Variants in SOX10 observed in about 807,000 individuals in gnomAD.
The protein encoded by SOX10 is SRY-box transcription factor 10, also known as transcription factor SOX-10.
Under a neutral mutation model 35.0 loss-of-function variants are expected in SOX10, and 3 were observed. The observed-to-expected ratio is 0.09, with a 90% CI of 0.04 to 0.22. The LOEUF is 0.22. SOX10 is among the 10% of genes least tolerant of loss of function. The pLI is 1.00. For missense variants in SOX10, 436 were observed against 655.1 expected (o/e 0.67, Z 3.65); for synonymous variants, 285 against 291.0 (o/e 0.98, Z 0.21).
intron 3 of SOX10, among the ~76,000 whole-genome samples, chr22:37,975,236 G>A (rs1932187548): frequency 1.3e-5 from 2 of 152,206 alleles, no homozygotes. Context: ...GTTCCCAAAA[G>A]CTCATAGTCT....
intron 2 of SOX10, among the ~76,000 whole-genome samples, chr22:37,982,643 C>T (rs1254845018): frequency 6.6e-6 from 1 of 152,084 alleles, no homozygotes; most frequent in African/African-American, 2.4e-5. Context: ...GGGTGGGGCC[C>T]TGGCAGGGAA....
At chr22:37,982,029 C>T (rs576192805) in intron 2 of SOX10, among the ~76,000 whole-genome samples, 1 of 152,358 alleles carries the variant, frequency 6.6e-6, no homozygotes, top group Admixed American at 6.5e-5. Context: ...CTCTACCCAA[C>T]TGTGGCTGGC....
At position 37,983,264 on chromosome 22, in the gene SOX10, C is replaced by T; in HGVS notation, c.428+93G>A. The T allele has an allele frequency of 2.8e-6, 4 of 1,411,342 alleles. No individual in the cohort carries two copies. Among genetic ancestry groups the T allele is most frequent in the Non-Finnish European group, 3.9e-6 (4 of 1,030,740 alleles). 87.4% of individuals were successfully genotyped at this position (1,411,342 alleles called of 1,614,324 possible). A position where few individuals can be genotyped will look rare whatever the true frequency, so the allele number is the denominator to read the frequency against. On this transcript the variant is annotated intron_variant, in intron 2 of 3. Transcript: ENST00000396884. The surrounding 1 kb of genome is among the most constrained non-coding windows in gnomAD (Gnocchi z 9.5). ...ATCCAAGGAGGACTGCCAGACAGTC[C>T]CGCTCTGAGGTGCAGGAGGCCGGGC... is the stretch of plus-strand genomic sequence containing the variant.
Position 37,972,487 on chromosome 22 carries a change from C to G in SOX10, c.*1008G>C. The G allele has an allele frequency of 6.3e-6, 2 of 319,942 alleles. No homozygotes were observed. Among genetic ancestry groups the G allele is most frequent in the South Asian group, 5.1e-5 (2 of 39,540 alleles). 19.8% of individuals were successfully genotyped at this position (319,942 alleles called of 1,614,324 possible). A position where few individuals can be genotyped will look rare whatever the true frequency, so the allele number is the denominator to read the frequency against. The stretch of plus-strand genomic sequence containing the variant: ...GGCAGATATAGCTACATACTTTATT[C>G]AAATACCACTGGGAGGCAAGGGGTA... On this transcript the variant is annotated 3_prime_UTR_variant, in exon 4 of 4. Coordinates refer to ENST00000396884, the MANE Select transcript of SOX10 (RefSeq NM_006941.4).
At position 37,982,024 on chromosome 22, in the gene SOX10, C is replaced by T. The variant is rs564137983; in HGVS notation, c.428+1333G>A. Among the ~76,000 whole-genome samples, 9 of 152,358 alleles carry T rather than the reference C, an allele frequency of 5.9e-5. No homozygotes were observed. In the South Asian group the frequency reaches 1.9e-3, roughly 32 times the overall value. On this transcript the variant is annotated intron_variant, in intron 2 of 3. Coordinates refer to ENST00000396884, the MANE Select transcript of SOX10 (RefSeq NM_006941.4). Reference sequence around the variant, plus strand: ...TCTAAGCCTCTAGACCCAATCTCTACCCAACTGTGGCTGGCAAGGGGGAGG... The same window carrying T: ...TCTAAGCCTCTAGACCCAATCTCTATCCAACTGTGGCTGGCAAGGGGGAGG...
Position 37,973,403 on chromosome 22 carries a change from C to T in SOX10, c.*92G>A. The T allele has an allele frequency of 1.2e-6, 1 of 854,252 alleles. No homozygotes were observed. Among genetic ancestry groups the T allele is most frequent in the Non-Finnish European group, 1.8e-6 (1 of 563,136 alleles). The allele number at this position is 854,252 out of a possible 1,614,324, so 52.9% of individuals were successfully genotyped here. A position where few individuals can be genotyped will look rare whatever the true frequency, so the allele number is the denominator to read the frequency against. On this transcript the variant is annotated 3_prime_UTR_variant, in exon 4 of 4. Coordinates refer to ENST00000396884, the MANE Select transcript of SOX10 (RefSeq NM_006941.4). Reference sequence around the variant, plus strand: ...CCTCTTCAGCCTCCTCAGCCTCCTCCACTGCCACCACCAGGCCTGAGGTGG... The same window carrying T: ...CCTCTTCAGCCTCCTCAGCCTCCTCTACTGCCACCACCAGGCCTGAGGTGG...
Position 37,973,815 on chromosome 22 carries a change from C to T in SOX10, c.1081G>A (p.Ala361Thr), listed in dbSNP as rs770105416. 1.1e-5 allele frequency: 18 copies of T among 1,599,228 alleles called. No individual in the cohort carries two copies. Among genetic ancestry groups the T allele is most frequent in the East Asian group, 2.2e-5 (1 of 44,558 alleles). The change falls in exon 4 of 4, where the codon GCG becomes ACG. Residue 361 changes from alanine (A) to threonine (T), a missense_variant. This residue lies in a region of SOX10 where 285 missense variants were observed against 402.9 expected (regional missense o/e 0.71). Transcript: ENST00000396884. Reference protein sequence around the residue: ...DAKAQVKTETAGPQGPPHYTD... With the variant: ...DAKAQVKTETTGPQGPPHYTD... The stretch of plus-strand genomic sequence containing the variant: ...TAGTGTGGGGGCCCCTGGGGCCCCG[C>T]GGTCTCTGTCTTCACCTGGGCTTTG...
In SOX10 at chr22:37,974,213, G is replaced by T. The variant is rs1369323666; in HGVS notation, c.698-15C>A. The T allele has an allele frequency of 6.9e-6, 11 of 1,586,022 alleles. No individual in the cohort carries two copies. The highest frequency in any genetic ancestry group is 1.3e-5 in the African/African-American group (1 of 74,638). On this transcript the variant is annotated splice_polypyrimidine_tract_variant and intron_variant, in intron 3 of 3. Transcript: ENST00000396884. This position sits in a 1 kb window ranked among gnomAD's most constrained non-coding sequence, Gnocchi z 5.4. ...ATGGCTCTGGCCTGGGTAGAAGGGA[G>T]ACAGAGAGAGAGAGCGCAAGGGGGA...
intron 3 of SOX10, among the ~76,000 whole-genome samples, chr22:37,975,137 A>G (rs1932184953): frequency 6.6e-6 from 1 of 152,194 alleles, no homozygotes; most frequent in Non-Finnish European, 1.5e-5. Flanking sequence ...CTATTCACAT[A>G]TTAATTTAGC....
At position 37,983,026 on chromosome 22, in the gene SOX10, C is replaced by CATA. The variant is rs1932448907; in HGVS notation, c.428+330_428+331insTAT. On this transcript the variant is annotated intron_variant, in intron 2 of 3. Transcript: ENST00000396884. The surrounding 1 kb of genome is among the most constrained non-coding windows in gnomAD (Gnocchi z 9.5). The stretch of plus-strand genomic sequence containing the variant: ...CCACAGCAGCTGGTGGCATAGTGTG[C>CATA]GTATCTGTGGGCAGGAGTTAGTGAA... Among the ~76,000 whole-genome samples, 1 of 152,228 alleles carries CATA rather than the reference C, an allele frequency of 6.6e-6. No individual in the cohort carries two copies. The highest frequency in any genetic ancestry group is 1.5e-5 in the Non-Finnish European group (1 of 68,042).
chr22:37,984,223 C>T lies in SOX10; in HGVS notation c.-85+116G>A. ...CCTTTCCTTCTTCCCTCAGCCTGCCCCAACGGGGTTTAGAGGAGAGCCAGG... is the reference window on the plus strand; with the variant it reads ...CCTTTCCTTCTTCCCTCAGCCTGCCTCAACGGGGTTTAGAGGAGAGCCAGG... On this transcript the variant is annotated intron_variant, in intron 1 of 3. Transcript: ENST00000396884. The surrounding 1 kb of genome is among the most constrained non-coding windows in gnomAD (Gnocchi z 4.4). The T allele has an allele frequency of 6.4e-6, 1 of 156,542 alleles. No homozygotes were observed. Among genetic ancestry groups the T allele is most frequent in the Non-Finnish European group, 1.4e-5 (1 of 71,090 alleles). The allele number at this position is 156,542 out of a possible 1,614,324, so 9.7% of individuals were successfully genotyped here. A position where few individuals can be genotyped will look rare whatever the true frequency, so the allele number is the denominator to read the frequency against.
chr22:37,984,406 C>T lies in SOX10; in HGVS notation c.-152G>A, dbSNP rs2145778891. Reference sequence around the variant, plus strand: ...GTGGAAAACCGTGTCCCAAGGTGTGCGGTCCAGCTCGGGGCTGGGAGGTGA... The same window carrying T: ...GTGGAAAACCGTGTCCCAAGGTGTGTGGTCCAGCTCGGGGCTGGGAGGTGA... On this transcript the variant is annotated 5_prime_UTR_variant, in exon 1 of 4. Transcript: ENST00000396884. The surrounding 1 kb of genome is among the most constrained non-coding windows in gnomAD (Gnocchi z 4.4). The T allele has an allele frequency of 7.6e-6, 1 of 131,630 alleles. No individual in the cohort carries two copies. The allele number at this position is 131,630 out of a possible 1,614,324, so 8.2% of individuals were successfully genotyped here.
At position 37,978,324 on chromosome 22, in the gene SOX10, G is replaced by A. The variant is rs1470966305; in HGVS notation, c.429-189C>T. ...TGGACTGAGAGATGTGAGGCCCAAG[G>A]AATAACAGCCTCAGAGGGCTGCCCC... is the stretch of plus-strand genomic sequence containing the variant. On this transcript the variant is annotated intron_variant, in intron 2 of 3. Transcript: ENST00000396884. This position sits in a 1 kb window ranked among gnomAD's most constrained non-coding sequence, Gnocchi z 5.0. Among the ~76,000 whole-genome samples the A allele has an allele frequency of 6.6e-6, 1 of 152,232 alleles. No homozygotes were observed. The highest frequency in any genetic ancestry group is 1.9e-4 in the East Asian group (1 of 5,192).
rs746215943 is a variant in SOX10, at chr22:37,973,896, T to G, written c.1000A>C (p.Ile334Leu). The change falls in exon 4 of 4, where the codon ATC becomes CTC. Residue 334 changes from isoleucine (I) to leucine (L), a missense_variant. This residue lies in a region of SOX10 where 285 missense variants were observed against 402.9 expected (regional missense o/e 0.71). Coordinates refer to ENST00000396884, the MANE Select transcript of SOX10 (RefSeq NM_006941.4). Reference protein sequence around the residue: ...LAVASGHSAWISKPPGVALPT... With the variant: ...LAVASGHSAWLSKPPGVALPT... Reference sequence around the variant, plus strand: ...AGAGCCACGCCTGGTGGCTTGGAGATCCAGGCGGAGTGTCCACTGGCCACG... The same window carrying G: ...AGAGCCACGCCTGGTGGCTTGGAGAGCCAGGCGGAGTGTCCACTGGCCACG... 2.5e-6 allele frequency: 4 copies of G among 1,610,068 alleles called. No individual in the cohort carries two copies. Among genetic ancestry groups the G allele is most frequent in the Non-Finnish European group, 3.4e-6 (4 of 1,179,636 alleles).
chr22:37,977,904 G>C lies in SOX10; in HGVS notation c.660C>G (p.Gly220=), dbSNP rs781186643. 1.3e-5 allele frequency: 21 copies of C among 1,612,726 alleles called. No individual in the cohort carries two copies. Among genetic ancestry groups the C allele is most frequent in the Middle Eastern group, 1.7e-4 (1 of 5,844 alleles). The part of the protein sequence containing the change: ...AHLDHRHPGE[G]SPMSDGNPEH... ...CGGGGTTCCCATCTGACATGGGGGA[G>C]CCCTCTCCTGGGTGCCGGTGGTCCA... The change falls in exon 3 of 4, where the codon GGC becomes GGG. Residue 220 remains glycine, a synonymous_variant. Transcript: ENST00000396884.
chr22:37,973,112 G>A lies in SOX10; in HGVS notation c.*383C>T, dbSNP rs2145759697. 4.8e-6 allele frequency: 1 copy of A among 207,176 alleles called. No homozygotes were observed. Among genetic ancestry groups the A allele is most frequent in the South Asian group, 1.4e-4 (1 of 7,364 alleles). 12.8% of individuals were successfully genotyped at this position (207,176 alleles called of 1,614,324 possible). Reference sequence around the variant, plus strand: ...CTCACTATCTGTGAGAGAGAAAACAGGAGTCATAGGAGTGGTAAGGCCTCC... The same window carrying A: ...CTCACTATCTGTGAGAGAGAAAACAAGAGTCATAGGAGTGGTAAGGCCTCC... On this transcript the variant is annotated 3_prime_UTR_variant, in exon 4 of 4. Coordinates refer to ENST00000396884, the MANE Select transcript of SOX10 (RefSeq NM_006941.4).
rs1261074244 is a variant in SOX10 at position 37,977,953 on chromosome 22, T to A, written c.611A>T (p.Gln204Leu). ...CAAGTGGGCGCTCTTGTAGTGGGCC[T>A]GGATGGCGGCGGTCCCACCTTGCTC... ...EAEQGGTAAI[Q>L]AHYKSAHLDH... The change falls in exon 3 of 4, where the codon CAG (glutamine) becomes CTG (leucine). Residue 204 changes from glutamine to leucine, a missense_variant. Transcript: ENST00000396884. 2 of 1,612,614 alleles carry A rather than the reference T, an allele frequency of 1.2e-6. No individual in the cohort carries two copies. Among genetic ancestry groups the A allele is most frequent in the Non-Finnish European group, 1.7e-6 (2 of 1,179,940 alleles).
rs1291085754 is a variant in SOX10 at position 37,973,565 on chromosome 22, G to A, written c.1331C>T (p.Pro444Leu). 1 of 1,612,846 alleles carries A rather than the reference G, an allele frequency of 6.2e-7. No homozygotes were observed. Among genetic ancestry groups the A allele is most frequent in the East Asian group, 2.2e-5 (1 of 44,872 alleles). The change falls in exon 4 of 4, where the codon CCC (proline) becomes CTC (leucine). Residue 444 changes from proline (P) to leucine (L), a missense_variant. Physicochemically the swap from Pro to Leu is moderately conservative, Grantham distance 98. Transcript: ENST00000396884. ...PLYTAISDPS[P>L]SGPQSHSPTH... ...GGGGCTGTGGGACTGGGGCCCTGAG[G>A]GGCTGGGGTCAGAGATGGCCGTGTA...
At chr22:37,977,772 C>T in intron 3 of SOX10, 95 bp downstream of exon 3, 1 of 1,362,584 alleles carries the variant, frequency 7.3e-7, no homozygotes, top group Non-Finnish European at 1.0e-6. Context: ...GCCTGGCACG[C>T]TCTCCCTAGA....
Sources: gnomAD v4.1 joint callset for allele counts (sites outside exome capture counted in the v4.1 genomes callset) on GRCh38, gnomAD v4.1.1 for gene constraint, gnomAD v4.1.1 regional missense constraint, Gnocchi (gnomAD v3.1) non-coding constraint, MANE v1.5 for transcripts, NCBI Gene and HGNC (gene_info 2026-07-23, HGNC 2026-07-21) for gene names.